IL1RAPL1: variants seen among roughly 807,000 people sequenced by gnomAD.
The protein encoded by IL1RAPL1 is interleukin 1 receptor accessory protein like 1.
In IL1RAPL1, 3 loss-of-function variants were observed where a neutral mutation model predicts 48.4. The ratio of observed to expected loss-of-function variants is 0.06; its 90% CI spans 0.03 to 0.16. The LOEUF is 0.16. Ranked by LOEUF, IL1RAPL1 falls within the 10% of genes least tolerant of loss-of-function variation. The pLI is 1.00. For synonymous variants in IL1RAPL1, 185 were observed against 187.7 expected (o/e 0.99, Z 0.12); for missense variants, 349 against 530.6 (o/e 0.66, Z 3.36).
intron 6 of IL1RAPL1, among the ~76,000 whole-genome samples, chrX:29,774,895 A>G (rs1195688746): frequency 8.9e-6 from 1 of 112,368 alleles, no homozygotes; most frequent in African/African-American, 3.2e-5. Flanking sequence ...TGATGGTTAA[A>G]TTTCCAGTTT....
intron 2 of IL1RAPL1, among the ~76,000 whole-genome samples, chrX:28,880,214 G>T (rs1922470282): frequency 8.9e-6 from 1 of 112,590 alleles, no homozygotes; most frequent in Non-Finnish European, 1.9e-5. Flanking sequence ...AGGACTTTAA[G>T]CTAAATTGTT....
chrX:28,959,221 C>T (rs888256936), intron 2 of IL1RAPL1, among the ~76,000 whole-genome samples: 1 of 111,043 alleles, frequency 9.0e-6, no homozygotes, highest in Admixed American at 9.6e-5. Flanking sequence ...AAATGCAGAT[C>T]GTTCAGTACA....
chrX:28,954,027 A>G lies in IL1RAPL1; in HGVS notation c.82+164602A>G, dbSNP rs57480305. ...CTTTTAAAAATGTACTCACTTTCATATGGTGCATAAAGCTCTGTTAACTCA... is the reference window on the plus strand; with the variant it reads ...CTTTTAAAAATGTACTCACTTTCATGTGGTGCATAAAGCTCTGTTAACTCA... On this transcript the variant is annotated intron_variant, in intron 2 of 10. Transcript: ENST00000378993. 8.7e-3 allele frequency among the ~76,000 whole-genome samples: 966 copies of G among 111,653 alleles called. 12 individuals are homozygous for G. Among genetic ancestry groups the G allele is most frequent in the African/African-American group, 0.03 (925 of 30,846 alleles).
chrX:28,767,072 G>A (rs745363582), intron 1 of IL1RAPL1, among the ~76,000 whole-genome samples: 6 of 111,355 alleles, frequency 5.4e-5, no homozygotes, highest in Admixed American at 9.6e-5. Context: ...TGGGATTGCT[G>A]GATCATATGG....
rs761236508 is a variant in IL1RAPL1, at chrX:29,691,750, C to CAAA, written c.778+23266_778+23268dup. ...TGGGCGACAGAGCGAGACTCCGTCTCAAAAAAAAAAAAAAAAAAAAAACTC... is the reference window on the plus strand; with the variant it reads ...TGGGCGACAGAGCGAGACTCCGTCTCAAAAAAAAAAAAAAAAAAAAAAAAACTC... On this transcript the variant is annotated intron_variant, in intron 6 of 10. Coordinates refer to ENST00000378993, the MANE Select transcript of IL1RAPL1 (RefSeq NM_014271.4). Among the ~76,000 whole-genome samples the CAAA allele has an allele frequency of 3.6e-3, 62 of 17,448 alleles. 2 individuals carry two copies. Among genetic ancestry groups the CAAA allele is most frequent in the South Asian group, 6.3e-3 (2 of 315 alleles). The allele number at this position is 17,448 out of a possible 115,157, so 15.2% of individuals were successfully genotyped here.
At chrX:29,800,759 C>T (rs1242946804) in intron 6 of IL1RAPL1, among the ~76,000 whole-genome samples, 7 of 98,855 alleles carry the variant, frequency 7.1e-5, no homozygotes, top group Admixed American at 2.3e-4. Context: ...CCGAGGTGGG[C>T]GGATCACCTG....
At chrX:29,645,910 A>G (rs7056388) in intron 5 of IL1RAPL1, among the ~76,000 whole-genome samples, 14,477 of 111,785 alleles carry the variant, frequency 0.13, 967 homozygotes, top group African/African-American at 0.25. Context: ...AGGGCATAGG[A>G]ACCATACCGG....
chrX:29,488,877 CAG>C (rs1303361436), intron 5 of IL1RAPL1, among the ~76,000 whole-genome samples: 2 of 112,072 alleles, frequency 1.8e-5, no homozygotes, highest in African/African-American at 3.2e-5. Flanking sequence ...CCCTTTGGGA[CAG>C]AGCAAAAGTG....
At chrX:28,842,361 TA>T (rs1311586805) in intron 2 of IL1RAPL1, among the ~76,000 whole-genome samples, 1 of 111,251 alleles carries the variant, frequency 9.0e-6, no homozygotes, top group Non-Finnish European at 1.9e-5. Context: ...TCAACCTGTA[TA>T]AAAAATATAG....
At chrX:29,841,394 A>G (rs1340168375) in intron 6 of IL1RAPL1, among the ~76,000 whole-genome samples, 1 of 111,699 alleles carries the variant, frequency 9.0e-6, no homozygotes, top group Non-Finnish European at 1.9e-5. Context: ...TCGTCTGTTT[A>G]TGTGCTAGTT....
intron 5 of IL1RAPL1, among the ~76,000 whole-genome samples, chrX:29,434,535 G>A (rs1166351270): frequency 9.1e-6 from 1 of 110,437 alleles, no homozygotes; most frequent in Non-Finnish European, 1.9e-5. Context: ...CATCTAATCT[G>A]CTGTCCACTT....
At chrX:29,820,718 A>G (rs761123109) in intron 6 of IL1RAPL1, among the ~76,000 whole-genome samples, 7 of 112,070 alleles carry the variant, frequency 6.2e-5, no homozygotes, top group Non-Finnish European at 1.3e-4. Flanking sequence ...GGAATTTTCT[A>G]ATTAGAAGTT....
chrX:29,516,295 T>C (rs1935444552), intron 5 of IL1RAPL1, among the ~76,000 whole-genome samples: 1 of 112,311 alleles, frequency 8.9e-6, no homozygotes, highest in African/African-American at 3.2e-5. Context: ...CTATGGAATG[T>C]GTTCTAGATA....
At chrX:29,906,457 GTAAATATATATATATATATATATATATA>G (rs1932622437) in intron 6 of IL1RAPL1, among the ~76,000 whole-genome samples, 1 of 43,343 alleles carries the variant, frequency 2.3e-5, no homozygotes, top group Non-Finnish European at 4.1e-5. Context: ...ACATAACTTT[GTAAATATATATATATATATATATATATA>G]TATATATATA....
At chrX:29,516,712 C>G (rs988685194) in intron 5 of IL1RAPL1, among the ~76,000 whole-genome samples, 2 of 110,017 alleles carry the variant, frequency 1.8e-5, no homozygotes, top group Admixed American at 1.9e-4. Flanking sequence ...CATTTTTTTT[C>G]TATTATTAAC....
Position 29,900,871 on chromosome X carries a change from G to A in IL1RAPL1, c.779-16593G>A, listed in dbSNP as rs1421051703. Among the ~76,000 whole-genome samples, 3 of 111,803 alleles carry A rather than the reference G, an allele frequency of 2.7e-5. No individual in the cohort carries two copies. In the East Asian group the frequency reaches 8.4e-4, roughly 31 times the overall value. On this transcript the variant is annotated intron_variant, in intron 6 of 10. Transcript: ENST00000378993. ...AAAGTAGATTCTAGAGGCACTGATG[G>A]ATACAGGCTAAGCTGGGTAACAAGG...
intron 3 of IL1RAPL1, among the ~76,000 whole-genome samples, chrX:29,301,295 A>C (rs903686250): frequency 8.9e-6 from 1 of 111,967 alleles, no homozygotes; most frequent in Admixed American, 9.5e-5. Context: ...TTTACATGAC[A>C]AAAGACTCAA....
chrX:28,814,341 T>TTGTGTGTGTGTGTGTGTGTGTGTG (rs753090480), intron 2 of IL1RAPL1, among the ~76,000 whole-genome samples: 2 of 89,738 alleles, frequency 2.2e-5, no homozygotes, highest in Non-Finnish European at 4.4e-5. Flanking sequence ...ATTTTCAGGT[T>TTGTGTGTGTGTGTGTGTGTGTGTG]TGTGTGTGTG....
chrX:29,863,568 A>G (rs183957853), intron 6 of IL1RAPL1, among the ~76,000 whole-genome samples: 1 of 111,429 alleles, frequency 9.0e-6, no homozygotes, highest in African/African-American at 3.3e-5. Context: ...TTCTCTCATG[A>G]GAGAAAAGTT....
Sources: gnomAD v4.1 joint callset for allele counts (sites outside exome capture counted in the v4.1 genomes callset) on GRCh38, gnomAD v4.1.1 for gene constraint, MANE v1.5 for transcripts, NCBI Gene and HGNC (gene_info 2026-07-23, HGNC 2026-07-21) for gene names.